Variants in PCNX2 observed in about 807,000 individuals in gnomAD.
PCNX2 encodes the protein pecanex 2.
A neutral mutation model predicts 223.8 loss-of-function variants in PCNX2; 168 were observed. The observed-to-expected ratio is 0.75, with a 90% CI of 0.66 to 0.85. The LOEUF (loss-of-function observed/expected upper bound fraction) is 0.85, where lower values mean the gene tolerates loss of function less well. PCNX2 is among the 40% of genes least tolerant of loss of function. The pLI is 0.00. For missense variants in PCNX2, 2,507 were observed against 2,675.5 expected (o/e 0.94, Z 1.39); for synonymous variants, 1,006 against 1,052.6 (o/e 0.96, Z 0.86).
In PCNX2 at chr1:233,259,221, G is replaced by A. The variant is rs1251436586; in HGVS notation, c.641C>T (p.Pro214Leu). The stretch of plus-strand genomic sequence containing the variant: ...AGTTTCTGTGGCAACTGGTTTTACA[G>A]GTATTACTGACTTGGTCGTGGTTTC... The part of the protein sequence containing the change: ...MLETTTKSVI[P>L]VKPVATETLI... The change falls in exon 5 of 34, where the codon CCT becomes CTT. Residue 214 changes from proline (P) to leucine (L), a missense_variant. Pro to Leu is a moderately conservative substitution (Grantham distance 98). Transcript: ENST00000258229. 1.2e-6 allele frequency: 2 copies of A among 1,613,746 alleles called. No individual in the cohort carries two copies. The highest frequency in any genetic ancestry group is 1.3e-5 in the African/African-American group (1 of 74,894).
intron 1 of PCNX2, chr1:233,289,493 AGAAGGAT>A: frequency 1.2e-6 from 1 of 814,760 alleles, no homozygotes; most frequent in Non-Finnish European, 2.1e-6. Context: ...TAGGAAGAGC[AGAAGGAT>A]GCCTTTTAAG....
intron 1 of PCNX2, among the ~76,000 whole-genome samples, chr1:233,284,768 T>C (rs1348958985): frequency 6.6e-6 from 1 of 152,126 alleles, no homozygotes; most frequent in Admixed American, 6.6e-5. Flanking sequence ...CCCTTTGAAG[T>C]GAGGTGTGCT....
intron 8 of PCNX2, among the ~76,000 whole-genome samples, chr1:233,240,837 C>T (rs6698573): frequency 0.083 from 12,554 of 152,168 alleles, 1,342 homozygotes; most frequent in African/African-American, 0.25. Context: ...CAGGTTTCCA[C>T]CATCTGAGCT....
chr1:233,129,613 T>C (rs1571931264), intron 21 of PCNX2, among the ~76,000 whole-genome samples: 2 of 152,324 alleles, frequency 1.3e-5, no homozygotes, highest in Admixed American at 1.3e-4. Flanking sequence ...AGAACCTTTA[T>C]GTCTAGTTAA....
At chr1:233,247,316 A>G (rs1220637563) in intron 8 of PCNX2, among the ~76,000 whole-genome samples, 1 of 152,226 alleles carries the variant, frequency 6.6e-6, no homozygotes, top group Non-Finnish European at 1.5e-5. Context: ...GAATGCCACA[A>G]CACCACATAA....
At chr1:233,220,284 A>C (rs1163711544) in intron 10 of PCNX2, among the ~76,000 whole-genome samples, 5 of 152,232 alleles carry the variant, frequency 3.3e-5, no homozygotes, top group African/African-American at 1.2e-4. Context: ...TTTTCAACTC[A>C]TTTGGGTAAA....
intron 23 of PCNX2, among the ~76,000 whole-genome samples, chr1:233,075,741 C>T (rs901540820): frequency 8.3e-6 from 1 of 120,060 alleles, no homozygotes; most frequent in African/African-American, 4.1e-5. Flanking sequence ...ACACACACAA[C>T]AGAAAAGAAA....
intron 21 of PCNX2, among the ~76,000 whole-genome samples, chr1:233,123,150 G>T (rs1402145410): frequency 6.6e-6 from 1 of 152,116 alleles, no homozygotes; most frequent in Admixed American, 6.6e-5. Context: ...CACTATTTGG[G>T]CTCATTAATT....
intron 19 of PCNX2, among the ~76,000 whole-genome samples, chr1:233,145,935 T>A (rs760168816): frequency 3.3e-4 from 51 of 152,250 alleles, no homozygotes; most frequent in Admixed American, 9.2e-4. Flanking sequence ...TATACTGGTG[T>A]AGCATCTCAA....
intron 15 of PCNX2, among the ~76,000 whole-genome samples, chr1:233,196,340 A>C (rs891648314): frequency 1.3e-5 from 2 of 152,102 alleles, no homozygotes; most frequent in African/African-American, 4.8e-5. Flanking sequence ...CATAAAAAAA[A>C]CCCATAAAAT....
chr1:233,218,487 T>C (rs1657155007), intron 10 of PCNX2, among the ~76,000 whole-genome samples: 1 of 152,076 alleles, frequency 6.6e-6, no homozygotes, highest in Non-Finnish European at 1.5e-5. Flanking sequence ...CCTGACCTCA[T>C]GATCTGCCCT....
the PCNX2 span, among the ~76,000 whole-genome samples, chr1:233,310,732 C>T: frequency 9.9e-5 from 15 of 152,244 alleles, no homozygotes; most frequent in African/African-American, 2.4e-4. Flanking sequence ...ATTTGGCTCA[C>T]GATTCTGCAG....
At position 233,218,204 on chromosome 1, in the gene PCNX2, A is replaced by G; in HGVS notation, c.2505-20T>C. 1 of 1,155,236 alleles carries G rather than the reference A, an allele frequency of 8.7e-7. No homozygotes were observed. The highest frequency in any genetic ancestry group is 1.8e-5 in the South Asian group (1 of 56,022). 71.6% of individuals were successfully genotyped at this position (1,155,236 alleles called of 1,614,324 possible). A position where few individuals can be genotyped will look rare whatever the true frequency, so the allele number is the denominator to read the frequency against. ...TCAGTTCTGTGCAAAATATATACAT[A>G]AAAGCAAAAAAAAAAAAAAAAAAAA... On this transcript the variant is annotated intron_variant, in intron 10 of 33. Transcript: ENST00000258229.
intron 25 of PCNX2, chr1:233,032,996 C>A: frequency 5.1e-6 from 5 of 985,312 alleles, no homozygotes; most frequent in Non-Finnish European, 6.0e-6. Context: ...TAAATCAAGG[C>A]CCATATTCTC....
intron 15 of PCNX2, among the ~76,000 whole-genome samples, chr1:233,192,934 A>G (rs1046674390): frequency 8.7e-5 from 13 of 149,702 alleles, no homozygotes; most frequent in Non-Finnish European, 1.6e-4. Flanking sequence ...GATAGATTTC[A>G]TGTTAAGAGT....
intron 25 of PCNX2, among the ~76,000 whole-genome samples, chr1:233,028,839 C>CTTT (rs552422159): frequency 2.3e-5 from 3 of 129,778 alleles, no homozygotes; most frequent in Non-Finnish European, 4.9e-5. Flanking sequence ...CTTTCCAGTC[C>CTTT]TTTTTTTTTT....
In PCNX2 at chr1:232,986,360, G is replaced by A; in HGVS notation, c.5972C>T (p.Ala1991Val). Residue 1991 changes from alanine to valine, a missense_variant, in exon 33 of 34, where the codon GCC becomes GTC. Physicochemically the swap from Ala to Val is moderately conservative, Grantham distance 64 (BLOSUM62 0). Around this residue, in one of 3 missense-constraint regions of PCNX2, gnomAD observed 1,372 missense variants for 1,509.4 expected, o/e 0.91. Coordinates refer to ENST00000258229, the MANE Select transcript of PCNX2 (RefSeq NM_014801.4). ...CGGGGGCTGAGAGTGCAGGGACGTGGCCGAGGCGTGCAAGGAGAGCCGGCT... is the reference window on the plus strand; with the variant it reads ...CGGGGGCTGAGAGTGCAGGGACGTGACCGAGGCGTGCAAGGAGAGCCGGCT... ...SGSRLSLHAS[A>V]TSLHSQPPPV... 1 of 1,601,354 alleles carries A rather than the reference G, an allele frequency of 6.2e-7. No homozygotes were observed.
intron 25 of PCNX2, among the ~76,000 whole-genome samples, chr1:233,045,086 A>T (rs1381395281): frequency 2.0e-5 from 3 of 152,138 alleles, no homozygotes; most frequent in Admixed American, 6.6e-5. Flanking sequence ...CTACGTCCCT[A>T]TTCTAGGTTT....
intron 25 of PCNX2, among the ~76,000 whole-genome samples, chr1:233,045,930 G>T (rs764588891): frequency 2.0e-5 from 3 of 152,228 alleles, no homozygotes; most frequent in Non-Finnish European, 4.4e-5. Context: ...AGCCTGCTTT[G>T]CTAGCCTTCT....
Sources: allele counts gnomAD v4.1 joint callset (sites outside exome capture counted in the v4.1 genomes callset), GRCh38; gene constraint gnomAD v4.1.1; regional missense constraint gnomAD v4.1.1; transcripts MANE v1.5; gene names NCBI Gene and HGNC (gene_info 2026-07-23, HGNC 2026-07-21).